Variants in WDR33 observed in about 807,000 individuals in gnomAD.
WDR33 encodes the protein WD repeat domain 33, also known as pre-mRNA 3' end processing protein WDR33.
In WDR33, 47 loss-of-function variants were observed where a neutral mutation model predicts 164.9. The observed-to-expected ratio is 0.29, with a 90% CI of 0.23 to 0.36. The LOEUF (loss-of-function observed/expected upper bound fraction) is 0.36, where lower values mean the gene tolerates loss of function less well. Among genes scored for constraint, WDR33 ranks in the 10% least tolerant of loss-of-function variants. The probability of loss-of-function intolerance (pLI) is 1.00; values close to 1 mark genes in which losing one functional copy is unlikely to be tolerated. For missense variants in WDR33, 1,137 were observed against 1,754.1 expected, an observed-to-expected ratio of 0.65 and a Z score of 6.28; for synonymous variants, 505 against 589.0, an observed-to-expected ratio of 0.86 and a Z score of 2.06.
At chr2:127,778,309 C>T (rs940197706) in intron 1 of WDR33, among the ~76,000 whole-genome samples, 2 of 151,828 alleles carry the variant, frequency 1.3e-5, no homozygotes, top group Non-Finnish European at 2.9e-5. Context: ...TGGTGGCTGA[C>T]GCCTGTAATC....
intron 1 of WDR33, among the ~76,000 whole-genome samples, chr2:127,794,306 C>T: frequency 6.6e-6 from 1 of 151,396 alleles, no homozygotes; most frequent in South Asian, 2.1e-4. Context: ...TCTAGACCAG[C>T]TTGGCCAACA....
In WDR33 at chr2:127,723,411, A is replaced by G; in HGVS notation, c.1197-64T>C. 7.9e-7 allele frequency: 1 copy of G among 1,267,366 alleles called. No individual in the cohort carries two copies. The highest frequency in any genetic ancestry group is 1.1e-6 in the Non-Finnish European group (1 of 879,176). The allele number at this position is 1,267,366 out of a possible 1,614,324, so 78.5% of individuals were successfully genotyped here. On this transcript the variant is annotated intron_variant, in intron 11 of 21. Transcript: ENST00000322313. The surrounding 1 kb of genome is among the most constrained non-coding windows in gnomAD (Gnocchi z 5.9). ...ACTATTTTTTTGGGCACTAAACAGT[A>G]CTAGGCAGACCCTTGGTAAACACAA...
chr2:127,706,500 G>A lies in WDR33; in HGVS notation c.3834C>T (p.Ser1278=). The stretch of plus-strand genomic sequence containing the variant: ...CATCGTGGTGCTCTCCGTCTAAGGA[G>A]CTGGAACGCCCAGATTTGGGCACTC... ...AQRVPKSGRS[S]SLDGEHHDGY... Residue 1278 remains serine, a synonymous_variant, in exon 22 of 22, where the codon AGC becomes AGT. Transcript: ENST00000322313. This position sits in a 1 kb window ranked among gnomAD's most constrained non-coding sequence, Gnocchi z 5.1. The A allele has an allele frequency of 6.2e-7, 1 of 1,613,316 alleles. No individual in the cohort carries two copies. The highest frequency in any genetic ancestry group is 8.5e-7 in the Non-Finnish European group (1 of 1,179,664).
intron 1 of WDR33, among the ~76,000 whole-genome samples, chr2:127,806,142 A>C (rs1689431706): frequency 6.6e-6 from 1 of 151,654 alleles, no homozygotes; most frequent in South Asian, 2.1e-4. Context: ...ATTTTAAATA[A>C]AAAATATTAA....
chr2:127,807,548 A>G (rs1689483930), intron 1 of WDR33, among the ~76,000 whole-genome samples: 2 of 152,178 alleles, frequency 1.3e-5, no homozygotes, highest in Admixed American at 6.5e-5. Flanking sequence ...CAGACACTAG[A>G]CTAACTAAAC....
chr2:127,791,167 C>T (rs563630160), intron 1 of WDR33, among the ~76,000 whole-genome samples: 2 of 91,906 alleles, frequency 2.2e-5, no homozygotes, highest in Non-Finnish European at 4.0e-5. Flanking sequence ...CCACCCCACC[C>T]CCCCCCCCAG....
Position 127,750,991 on chromosome 2 carries a change from C to T in WDR33, c.724+12071G>A, listed in dbSNP as rs146713460. 3.4e-3 allele frequency among the ~76,000 whole-genome samples: 510 copies of T among 151,386 alleles called. 1 individual carries two copies. Among genetic ancestry groups the T allele is most frequent in the African/African-American group, 0.012 (493 of 41,266 alleles). On this transcript the variant is annotated intron_variant, in intron 7 of 21. Coordinates refer to ENST00000322313, the MANE Select transcript of WDR33 (RefSeq NM_018383.5). The stretch of plus-strand genomic sequence containing the variant: ...TTTTTGTTTTAATAAACATTTCCAC[C>T]CAGAAGACCCTTGGGAACTTACATT...
chr2:127,737,638 G>A, intron 7 of WDR33: 1 of 1,016,012 alleles, frequency 9.8e-7, no homozygotes, highest in Non-Finnish European at 1.2e-6. Flanking sequence ...CCCAGGCCAA[G>A]AATAAAGAGA....
chr2:127,713,484 TTC>T lies in WDR33; in HGVS notation c.3308+97_3308+98del, dbSNP rs1686226593. 7.3e-7 allele frequency: 1 copy of T among 1,374,722 alleles called. No individual in the cohort carries two copies. The highest frequency in any genetic ancestry group is 1.0e-6 in the Non-Finnish European group (1 of 998,540). 85.2% of individuals were successfully genotyped at this position (1,374,722 alleles called of 1,614,324 possible). On this transcript the variant is annotated intron_variant, in intron 18 of 21. Coordinates refer to ENST00000322313, the MANE Select transcript of WDR33 (RefSeq NM_018383.5). This position sits in a 1 kb window ranked among gnomAD's most constrained non-coding sequence, Gnocchi z 6.2. ...AGTGCAGGGCTGGTAATTGATATAA[TTC>T]TCTTTCCTCAAGAAAAAGAAGAAAG...
At position 127,722,162 on chromosome 2, in the gene WDR33, A is replaced by G. The variant is rs892009452; in HGVS notation, c.1519-174T>C. ...GACTCATGCTAATTCTTACTGACAT[A>G]TTACTAGGTAGAAATTACTATGGTG... On this transcript the variant is annotated intron_variant, in intron 14 of 21. Coordinates refer to ENST00000322313, the MANE Select transcript of WDR33 (RefSeq NM_018383.5). This position sits in a 1 kb window ranked among gnomAD's most constrained non-coding sequence, Gnocchi z 5.1. Among the ~76,000 whole-genome samples the G allele has an allele frequency of 1.3e-5, 2 of 152,186 alleles. 1 individual carries two copies. Among genetic ancestry groups the G allele is most frequent in the South Asian group, 4.1e-4 (2 of 4,828 alleles).
At chr2:127,760,422 G>A (rs1687642631) in intron 7 of WDR33, among the ~76,000 whole-genome samples, 2 of 152,266 alleles carry the variant, frequency 1.3e-5, no homozygotes, top group South Asian at 4.1e-4. Context: ...AGACTATCCT[G>A]TCCCTATTTG....
intron 1 of WDR33, among the ~76,000 whole-genome samples, chr2:127,787,830 G>A (rs1688650317): frequency 1.9e-5 from 2 of 102,912 alleles, no homozygotes; most frequent in South Asian, 3.8e-4. Flanking sequence ...GCGGCTGGCC[G>A]GGCGGGGGGG....
chr2:127,777,300 A>C (rs947100409), intron 1 of WDR33, among the ~76,000 whole-genome samples: 1 of 152,214 alleles, frequency 6.6e-6, no homozygotes, highest in African/African-American at 2.4e-5. Flanking sequence ...CTGATTCACT[A>C]AATATCACTC....
Position 127,726,569 on chromosome 2 carries a change from G to A in WDR33, c.851+82C>T, listed in dbSNP as rs1157488520. ...AAATGACTCTTCCAGAAATACATAA[G>A]AGAAAACAAAGCTAAAAGTTAAAGG... is the stretch of plus-strand genomic sequence containing the variant. On this transcript the variant is annotated intron_variant, in intron 8 of 21. Coordinates refer to ENST00000322313, the MANE Select transcript of WDR33 (RefSeq NM_018383.5). The surrounding 1 kb of genome is among the most constrained non-coding windows in gnomAD (Gnocchi z 4.8). 7 of 1,544,212 alleles carry A rather than the reference G, an allele frequency of 4.5e-6. No individual in the cohort carries two copies. Among genetic ancestry groups the A allele is most frequent in the Non-Finnish European group, 6.1e-6 (7 of 1,146,730 alleles).
rs559007388 is a variant in WDR33, at chr2:127,723,920, T to C, written c.1196+413A>G. 4.0e-5 allele frequency among the ~76,000 whole-genome samples: 6 copies of C among 151,886 alleles called. No individual in the cohort carries two copies. The South Asian group carries it at 1.3e-3, about 32-fold the overall frequency. Reference sequence around the variant, plus strand: ...GGTGAAACCCCATCTCTACAAAAAATGCAAAAATTAGCCAGGTGTGGTGGT... The same window carrying C: ...GGTGAAACCCCATCTCTACAAAAAACGCAAAAATTAGCCAGGTGTGGTGGT... On this transcript the variant is annotated intron_variant, in intron 11 of 21. Coordinates refer to ENST00000322313, the MANE Select transcript of WDR33 (RefSeq NM_018383.5). The surrounding 1 kb of genome is among the most constrained non-coding windows in gnomAD (Gnocchi z 5.9).
chr2:127,810,525 C>T (rs1689614234), intron 1 of WDR33, among the ~76,000 whole-genome samples: 1 of 152,186 alleles, frequency 6.6e-6, no homozygotes, highest in African/African-American at 2.4e-5. Context: ...AAAAGCAGGG[C>T]TTTGCCTGTC....
At chr2:127,750,507 C>G (rs576128035) in intron 7 of WDR33, among the ~76,000 whole-genome samples, 105 of 150,266 alleles carry the variant, frequency 7.0e-4, no homozygotes, top group Admixed American at 1.6e-3. Flanking sequence ...ATTAGCCAGG[C>G]ATGGTGGCAC....
chr2:127,804,062 C>T (rs1360496792), intron 1 of WDR33, among the ~76,000 whole-genome samples: 1 of 152,004 alleles, frequency 6.6e-6, no homozygotes, highest in African/African-American at 2.4e-5. Context: ...TGGCTCACAC[C>T]CGTAATCCCA....
chr2:127,796,936 T>C (rs1342983694), intron 1 of WDR33, among the ~76,000 whole-genome samples: 1 of 151,988 alleles, frequency 6.6e-6, no homozygotes, highest in African/African-American at 2.4e-5. Context: ...TAATCAATCC[T>C]CATTAGCCCC....
Sources: allele counts gnomAD v4.1 joint callset (sites outside exome capture counted in the v4.1 genomes callset), GRCh38; gene constraint gnomAD v4.1.1; non-coding constraint Gnocchi (gnomAD v3.1); transcripts MANE v1.5; gene names NCBI Gene and HGNC (gene_info 2026-07-23, HGNC 2026-07-21).